Variants in CACNA2D3 observed in about 807,000 individuals in gnomAD.
CACNA2D3 encodes the protein calcium voltage-gated channel auxiliary subunit alpha2delta 3.
CACNA2D3 carries 60 observed loss-of-function variants against 160.6 expected under a neutral mutation model. The observed-to-expected ratio is 0.37, with a 90% CI of 0.30 to 0.46. CACNA2D3 has a LOEUF of 0.46. CACNA2D3 is among the 20% of genes least tolerant of loss of function. CACNA2D3 has a pLI of 1.00. For missense variants in CACNA2D3, 1,205 were observed against 1,365.0 expected (o/e 0.88, Z 1.85); for synonymous variants, 558 against 492.9 (o/e 1.13, Z -1.75).
intron 5 of CACNA2D3, among the ~76,000 whole-genome samples, chr3:54,504,593 G>T (rs1701340321): frequency 6.6e-6 from 1 of 152,084 alleles, no homozygotes; most frequent in Admixed American, 6.6e-5. Context: ...TCTAAACAAA[G>T]AACTATCCTC....
chr3:54,275,370 G>A (rs182239089), intron 2 of CACNA2D3, among the ~76,000 whole-genome samples: 1 of 151,096 alleles, frequency 6.6e-6, no homozygotes, highest in African/African-American at 2.4e-5. Flanking sequence ...CTGAAACTTA[G>A]ATTTTTTCTT....
At chr3:54,461,691 T>A (rs1260053374) in intron 4 of CACNA2D3, among the ~76,000 whole-genome samples, 10 of 151,652 alleles carry the variant, frequency 6.6e-5, no homozygotes, top group African/African-American at 2.4e-4. Context: ...GTCTTGGTAG[T>A]GATCTATCAG....
intron 17 of CACNA2D3, among the ~76,000 whole-genome samples, chr3:54,852,056 T>G (rs2970533): frequency 0.5 from 76,700 of 152,082 alleles, 20,398 homozygotes; most frequent in African/African-American, 0.68. Flanking sequence ...AGGCTCTATT[T>G]CCACCACCAC....
At chr3:54,547,926 T>C (rs554328398) in intron 5 of CACNA2D3, among the ~76,000 whole-genome samples, 2 of 152,244 alleles carry the variant, frequency 1.3e-5, no homozygotes, top group East Asian at 3.9e-4. Context: ...ACTCCTGGCC[T>C]CAAATGATCC....
At chr3:54,603,810 C>T (rs939786404) in intron 9 of CACNA2D3, among the ~76,000 whole-genome samples, 3 of 151,806 alleles carry the variant, frequency 2.0e-5, no homozygotes, top group Non-Finnish European at 4.4e-5. Flanking sequence ...TTCATTGTGA[C>T]AAAGAACCAA....
intron 35 of CACNA2D3, among the ~76,000 whole-genome samples, chr3:55,031,634 T>A (rs1340290820): frequency 6.6e-6 from 1 of 152,212 alleles, no homozygotes; most frequent in Non-Finnish European, 1.5e-5. Context: ...TCTCATGATT[T>A]TGACAAGAAG....
At chr3:54,597,544 G>C (rs769218046) in intron 9 of CACNA2D3, among the ~76,000 whole-genome samples, 1 of 152,132 alleles carries the variant, frequency 6.6e-6, no homozygotes, top group Non-Finnish European at 1.5e-5. Flanking sequence ...ATAGGTAAGT[G>C]AATGGATAAG....
chr3:54,677,972 A>C (rs1163147195), intron 11 of CACNA2D3, among the ~76,000 whole-genome samples: 3 of 152,196 alleles, frequency 2.0e-5, no homozygotes. Flanking sequence ...GAAATGAAGC[A>C]AGAGGTGAAA....
At chr3:54,413,038 G>T (rs1326798619) in intron 4 of CACNA2D3, among the ~76,000 whole-genome samples, 1 of 151,626 alleles carries the variant, frequency 6.6e-6, no homozygotes, top group Non-Finnish European at 1.5e-5. Flanking sequence ...TCAGCTTAAA[G>T]ACCCCTTTTA....
At chr3:54,565,593 G>T (rs1702397221) in intron 6 of CACNA2D3, among the ~76,000 whole-genome samples, 1 of 152,182 alleles carries the variant, frequency 6.6e-6, no homozygotes, top group Non-Finnish European at 1.5e-5. Flanking sequence ...CACAGGGGTA[G>T]TGAGCACTTG....
At chr3:54,989,600 T>G (rs2107111903) in intron 31 of CACNA2D3, among the ~76,000 whole-genome samples, 1 of 152,258 alleles carries the variant, frequency 6.6e-6, no homozygotes, top group Admixed American at 6.5e-5. Flanking sequence ...AGATTACCTC[T>G]CCAAACACTG....
chr3:54,267,612 A>C (rs1032821851), intron 2 of CACNA2D3, among the ~76,000 whole-genome samples: 1 of 152,198 alleles, frequency 6.6e-6, no homozygotes, highest in Non-Finnish European at 1.5e-5. Flanking sequence ...TGTAAGTCTA[A>C]ATTCATTTGA....
At chr3:54,678,168 C>G (rs1257827712) in intron 11 of CACNA2D3, among the ~76,000 whole-genome samples, 1 of 152,080 alleles carries the variant, frequency 6.6e-6, no homozygotes, top group East Asian at 1.9e-4. Context: ...TAGGTTTGCC[C>G]TCTATTTTAG....
chr3:54,616,076 G>A (rs181184502), intron 9 of CACNA2D3, among the ~76,000 whole-genome samples: 28 of 152,272 alleles, frequency 1.8e-4, no homozygotes, highest in African/African-American at 2.6e-4. Context: ...ATTGTCTTCC[G>A]TGAAACCAGT....
At chr3:54,286,811 C>T (rs1703040394) in intron 2 of CACNA2D3, among the ~76,000 whole-genome samples, 2 of 151,974 alleles carry the variant, frequency 1.3e-5, no homozygotes, top group Admixed American at 6.5e-5. Context: ...CCCAGAATTT[C>T]ATATCCAGCC....
At chr3:54,904,203 T>C (rs1300981512) in intron 27 of CACNA2D3, among the ~76,000 whole-genome samples, 1 of 152,180 alleles carries the variant, frequency 6.6e-6, no homozygotes, top group Non-Finnish European at 1.5e-5. Context: ...ATTGTTGACT[T>C]GAGTTTTATA....
chr3:54,135,926 A>G (rs1015859439), intron 2 of CACNA2D3, among the ~76,000 whole-genome samples: 2 of 152,180 alleles, frequency 1.3e-5, no homozygotes, highest in African/African-American at 4.8e-5. Flanking sequence ...GGGCCAGTGT[A>G]TTGAGGCCAC....
chr3:54,726,978 A>T (rs574027991), intron 11 of CACNA2D3, among the ~76,000 whole-genome samples: 1 of 152,318 alleles, frequency 6.6e-6, no homozygotes, highest in East Asian at 1.9e-4. Context: ...TGAACAGGCA[A>T]CCTACAGAAT....
intron 14 of CACNA2D3, among the ~76,000 whole-genome samples, chr3:54,822,401 A>G (rs1189342918): frequency 6.6e-6 from 1 of 152,224 alleles, no homozygotes; most frequent in East Asian, 1.9e-4. Flanking sequence ...CAATGGTTAT[A>G]TAACTAAGTA....
Sources: allele counts gnomAD v4.1 joint callset (sites outside exome capture counted in the v4.1 genomes callset), GRCh38; gene constraint gnomAD v4.1.1; transcripts MANE v1.5; gene names NCBI Gene and HGNC (gene_info 2026-07-23, HGNC 2026-07-21).